ERBB4: variants seen among roughly 807,000 people sequenced by gnomAD.
ERBB4 encodes erb-b2 receptor tyrosine kinase 4.
Under a neutral mutation model 158.0 loss-of-function variants are expected in ERBB4, and 42 were observed. The ratio of observed to expected loss-of-function variants is 0.27; its 90% confidence interval spans 0.21 to 0.34. The LOEUF (loss-of-function observed/expected upper bound fraction) is 0.34, where lower values mean the gene tolerates loss of function less well. Among genes scored for constraint, ERBB4 ranks in the 10% least tolerant of loss-of-function variants. ERBB4 has a pLI of 1.00. For missense variants in ERBB4, 1,333 were observed against 1,624.1 expected, an observed-to-expected ratio of 0.82 and a Z score of 3.08; for synonymous variants, 583 against 558.7, an observed-to-expected ratio of 1.04 and a Z score of -0.61.
chr2:211,733,104 A>G (rs919123569), intron 5 of ERBB4, among the ~76,000 whole-genome samples: 1 of 152,228 alleles, frequency 6.6e-6, no homozygotes, highest in Non-Finnish European at 1.5e-5. Context: ...TGTGTCAAAG[A>G]GGTAAGGGAT....
intron 20 of ERBB4, among the ~76,000 whole-genome samples, chr2:211,532,702 CAATAAT>C (rs1559267323): frequency 6.6e-6 from 1 of 151,720 alleles, no homozygotes; most frequent in Non-Finnish European, 1.5e-5. Flanking sequence ...ATGACAATAA[CAATAAT>C]GAGAAGAGAA....
In ERBB4 at chr2:211,382,883, G is replaced by A. The variant is rs150624055; in HGVS notation, c.*732C>T. 6.9e-4 allele frequency: 160 copies of A among 232,508 alleles called. No individual in the cohort carries two copies. Among genetic ancestry groups the A allele is most frequent in the Non-Finnish European group, 1.2e-3 (140 of 117,714 alleles). The allele number at this position is 232,508 out of a possible 1,614,324, so 14.4% of individuals were successfully genotyped here. A position where few individuals can be genotyped will look rare whatever the true frequency, so the allele number is the denominator to read the frequency against. Reference sequence around the variant, plus strand: ...TGCTTAAATTCTGTGAAGAAGCTTTGATGTAAACATCTTTGCAATTAGAAA... The same window carrying A: ...TGCTTAAATTCTGTGAAGAAGCTTTAATGTAAACATCTTTGCAATTAGAAA... On this transcript the variant is annotated 3_prime_UTR_variant, in exon 28 of 28. Coordinates refer to ENST00000342788, the MANE Select transcript of ERBB4 (RefSeq NM_005235.3).
chr2:211,567,403 C>T (rs1245496313), intron 19 of ERBB4, among the ~76,000 whole-genome samples: 2 of 152,136 alleles, frequency 1.3e-5, no homozygotes, highest in African/African-American at 4.8e-5. Context: ...TCAAACAATA[C>T]ATTTGTGCTT....
At chr2:211,878,657 G>GTTGTT (rs377670658) in intron 3 of ERBB4, among the ~76,000 whole-genome samples, 33 of 133,882 alleles carry the variant, frequency 2.5e-4, no homozygotes, top group Non-Finnish European at 4.3e-4. Flanking sequence ...ATTAAGTTTT[G>GTTGTT]TTTTTTTTTT....
chr2:212,204,700 CA>C (rs112354649), intron 1 of ERBB4, among the ~76,000 whole-genome samples: 2 of 94,124 alleles, frequency 2.1e-5, no homozygotes, highest in South Asian at 2.9e-4. Context: ...CTGTCCCCCA[CA>C]AAAAAAACAA....
intron 2 of ERBB4, among the ~76,000 whole-genome samples, chr2:212,042,055 G>A (rs1222950610): frequency 2.0e-5 from 3 of 151,740 alleles, no homozygotes; most frequent in Non-Finnish European, 4.4e-5. Context: ...TTTTTCCTTC[G>A]GTTTGCTTTA....
chr2:212,259,260 A>G (rs1291164462), intron 1 of ERBB4, among the ~76,000 whole-genome samples: 2 of 152,162 alleles, frequency 1.3e-5, no homozygotes, highest in Non-Finnish European at 2.9e-5. Flanking sequence ...ATTAACCAAC[A>G]CTTCCTCTTT....
chr2:212,449,155 C>T (rs1338690719), intron 1 of ERBB4, among the ~76,000 whole-genome samples: 1 of 152,056 alleles, frequency 6.6e-6, no homozygotes, highest in Non-Finnish European at 1.5e-5. Flanking sequence ...TCTTCTTTAT[C>T]ATGGAATAGC....
At chr2:211,903,564 T>C (rs868056354) in intron 3 of ERBB4, among the ~76,000 whole-genome samples, 21 of 152,074 alleles carry the variant, frequency 1.4e-4, no homozygotes, top group African/African-American at 4.8e-4. Context: ...CTTCATCTAC[T>C]TGAGTAAACA....
intron 4 of ERBB4, among the ~76,000 whole-genome samples, chr2:211,767,669 G>A (rs554571288): frequency 6.6e-6 from 1 of 152,104 alleles, no homozygotes; most frequent in Non-Finnish European, 1.5e-5. Context: ...AAGGAGAAAA[G>A]CCCCTTATAA....
At chr2:212,048,524 G>A (rs1320440390) in intron 2 of ERBB4, among the ~76,000 whole-genome samples, 1 of 152,152 alleles carries the variant, frequency 6.6e-6, no homozygotes, top group Non-Finnish European at 1.5e-5. Flanking sequence ...AGAGAAAAAG[G>A]AAAATCGAAG....
At chr2:212,479,997 G>A (rs779504625) in intron 1 of ERBB4, among the ~76,000 whole-genome samples, 13 of 151,982 alleles carry the variant, frequency 8.6e-5, no homozygotes, top group African/African-American at 2.7e-4. Context: ...AGTCCTATAC[G>A]TATTTCTTCA....
At chr2:212,234,013 C>A (rs1257236705) in intron 1 of ERBB4, among the ~76,000 whole-genome samples, 1 of 149,086 alleles carries the variant, frequency 6.7e-6, no homozygotes, top group African/African-American at 2.5e-5. Context: ...TGCTTTAAGT[C>A]TTGGGATACA....
intron 3 of ERBB4, among the ~76,000 whole-genome samples, chr2:211,844,309 C>T (rs1027533909): frequency 7.9e-5 from 12 of 152,134 alleles, no homozygotes; most frequent in African/African-American, 2.9e-4. Flanking sequence ...TTAACACCTT[C>T]ACATTTTATT....
intron 1 of ERBB4, among the ~76,000 whole-genome samples, chr2:212,364,092 A>G (rs2089792795): frequency 6.6e-6 from 1 of 151,734 alleles, no homozygotes; most frequent in African/African-American, 2.4e-5. Context: ...AGAATATTTC[A>G]TATCTCAATT....
intron 25 of ERBB4, among the ~76,000 whole-genome samples, chr2:211,416,082 A>C (rs1322963122): frequency 6.6e-6 from 1 of 152,220 alleles, no homozygotes; most frequent in Non-Finnish European, 1.5e-5. Flanking sequence ...ATTTAATCTT[A>C]AAACTATTGC....
intron 1 of ERBB4, among the ~76,000 whole-genome samples, chr2:212,267,706 T>G (rs932918778): frequency 3.3e-5 from 5 of 151,372 alleles, no homozygotes; most frequent in African/African-American, 1.2e-4. Flanking sequence ...CCATTAACTC[T>G]TCATTTAACG....
At chr2:211,608,191 T>A (rs1229361898) in intron 19 of ERBB4, among the ~76,000 whole-genome samples, 1 of 152,218 alleles carries the variant, frequency 6.6e-6, no homozygotes, top group Non-Finnish European at 1.5e-5. Flanking sequence ...GGCCATCAAC[T>A]GGCTTTGAAC....
At chr2:211,648,757 A>G (rs1249670535) in intron 16 of ERBB4, among the ~76,000 whole-genome samples, 1 of 151,778 alleles carries the variant, frequency 6.6e-6, no homozygotes, top group African/African-American at 2.4e-5. Context: ...AATCCCATAA[A>G]TCCTACAGTA....
Sources: allele counts gnomAD v4.1 joint callset (sites outside exome capture counted in the v4.1 genomes callset), GRCh38; gene constraint gnomAD v4.1.1; transcripts MANE v1.5; gene names NCBI Gene and HGNC (gene_info 2026-07-23, HGNC 2026-07-21).